SNX29: variants seen among roughly 807,000 people sequenced by gnomAD.
SNX29 encodes the protein sorting nexin-29.
In SNX29, 78 loss-of-function variants were observed where a neutral mutation model predicts 102.1. The ratio of observed to expected loss-of-function variants is 0.76; its 90% CI spans 0.64 to 0.92. The LOEUF (loss-of-function observed/expected upper bound fraction) is 0.92, where lower values mean the gene tolerates loss of function less well. SNX29 is among the 40% of genes least tolerant of loss of function. The probability of loss-of-function intolerance (pLI) is 0.00; values close to 1 mark genes in which losing one functional copy is unlikely to be tolerated. For missense variants in SNX29, 1,280 were observed against 1,061.7 expected (o/e 1.21, Z -2.86); for synonymous variants, 580 against 414.5 (o/e 1.40, Z -4.85).
chr16:12,433,630 CA>C lies in SNX29; in HGVS notation c.2037+30121del, dbSNP rs1235730528. On this transcript the variant is annotated intron_variant, in intron 18 of 20. Transcript: ENST00000566228. Reference sequence around the variant, plus strand: ...TGGGCAACAGAGCAAGACTGCGTCTCAAAAAAAAAAAAAAAAAAAAGGAAAC... The same window carrying C: ...TGGGCAACAGAGCAAGACTGCGTCTCAAAAAAAAAAAAAAAAAAAGGAAAC... Among the ~76,000 whole-genome samples the C allele has an allele frequency of 9.6e-3, 530 of 55,354 alleles. 1 individual carries two copies. Among genetic ancestry groups the C allele is most frequent in the African/African-American group, 0.015 (198 of 13,514 alleles). 36.3% of individuals were successfully genotyped at this position (55,354 alleles called of 152,430 possible). A position where few individuals can be genotyped will look rare whatever the true frequency, so the allele number is the denominator to read the frequency against.
At chr16:12,564,900 C>T (rs961752416) in intron 20 of SNX29, among the ~76,000 whole-genome samples, 1 of 144,710 alleles carries the variant, frequency 6.9e-6, no homozygotes, top group East Asian at 2.0e-4. Flanking sequence ...GGGGAGGAGG[C>T]ATCTGCAGCA....
chr16:12,144,178 G>T (rs186878426), intron 13 of SNX29, among the ~76,000 whole-genome samples: 4 of 152,252 alleles, frequency 2.6e-5, no homozygotes, highest in Admixed American at 2.6e-4. Flanking sequence ...TGATCTGAAC[G>T]GATAAGCTCA....
rs546986338 is a variant in SNX29, at chr16:12,565,583, C to A, written c.2319-2923C>A. ...CAGAAGCCTACTGTCACACCCTCAACCACAGCAGCCTACACTCACTGGGAC... is the reference window on the plus strand; with the variant it reads ...CAGAAGCCTACTGTCACACCCTCAAACACAGCAGCCTACACTCACTGGGAC... On this transcript the variant is annotated intron_variant, in intron 20 of 20. Transcript: ENST00000566228. Among the ~76,000 whole-genome samples the A allele has an allele frequency of 1.1e-4, 17 of 152,252 alleles. No homozygotes were observed. The East Asian group carries it at 3.1e-3, about 28-fold the overall frequency.
intron 3 of SNX29, among the ~76,000 whole-genome samples, chr16:12,003,609 C>T (rs2056363551): frequency 1.3e-5 from 2 of 152,200 alleles, no homozygotes; most frequent in South Asian, 2.1e-4. Flanking sequence ...CACACCGAAA[C>T]GTGGCCTGAG....
At chr16:12,127,989 C>T (rs936098071) in intron 12 of SNX29, among the ~76,000 whole-genome samples, 1 of 152,120 alleles carries the variant, frequency 6.6e-6, no homozygotes, top group Non-Finnish European at 1.5e-5. Flanking sequence ...CTTACTCACA[C>T]GCTCTTTTAC....
rs1196227249 is a variant in SNX29 at position 12,162,086 on chromosome 16, A to G, written c.1595+32328A>G. Among the ~76,000 whole-genome samples, 4 of 152,208 alleles carry G rather than the reference A, an allele frequency of 2.6e-5. 1 individual carries two copies. Among genetic ancestry groups the G allele is most frequent in the African/African-American group, 7.2e-5 (3 of 41,520 alleles). ...CACCATCAACCCCTTTGATGGTGCC[A>G]TGTACTTACTTCCTGCCGGGCTTTG... On this transcript the variant is annotated intron_variant, in intron 13 of 20. Transcript: ENST00000566228.
chr16:12,180,022 C>T (rs1260487800), intron 13 of SNX29, among the ~76,000 whole-genome samples: 1 of 152,116 alleles, frequency 6.6e-6, no homozygotes, highest in Non-Finnish European at 1.5e-5. Flanking sequence ...CTTCGGGTCT[C>T]TTTATTCCAA....
At chr16:12,160,490 T>C (rs927803240) in intron 13 of SNX29, among the ~76,000 whole-genome samples, 1 of 152,178 alleles carries the variant, frequency 6.6e-6, no homozygotes, top group African/African-American at 2.4e-5. Context: ...TCCATTCCTG[T>C]GAAACATCTA....
chr16:12,091,940 G>A (rs1295794182), intron 11 of SNX29, among the ~76,000 whole-genome samples: 2 of 152,178 alleles, frequency 1.3e-5, no homozygotes, highest in Non-Finnish European at 2.9e-5. Context: ...AGAACTGTGA[G>A]AAAATCAGTC....
At chr16:12,149,913 G>T (rs1016912823) in intron 13 of SNX29, among the ~76,000 whole-genome samples, 2 of 152,170 alleles carry the variant, frequency 1.3e-5, no homozygotes, top group African/African-American at 4.8e-5. Context: ...AGAACAGTTT[G>T]TGCCAAGGGG....
intron 20 of SNX29, chr16:12,560,686 A>G (rs777865609): frequency 3.8e-5 from 6 of 158,868 alleles, no homozygotes; most frequent in Non-Finnish European, 7.0e-5. Flanking sequence ...ATGCATTTAT[A>G]TCTAGTCATC....
At chr16:12,285,664 G>A (rs1364135647) in intron 15 of SNX29, among the ~76,000 whole-genome samples, 4 of 152,296 alleles carry the variant, frequency 2.6e-5, no homozygotes, top group South Asian at 2.1e-4. Context: ...ACCAGTGCCT[G>A]CCTCATAAAT....
intron 19 of SNX29, among the ~76,000 whole-genome samples, chr16:12,493,241 G>T (rs987651474): frequency 6.6e-6 from 1 of 152,100 alleles, no homozygotes; most frequent in Non-Finnish European, 1.5e-5. Context: ...TCCTTGAAGA[G>T]GTCCTTCACA....
chr16:12,095,062 G>C (rs938554367), intron 11 of SNX29: 1 of 152,202 alleles, frequency 6.6e-6, no homozygotes, highest in East Asian at 1.9e-4. Context: ...GATGCATAAT[G>C]ATACAGACCT....
At chr16:12,437,374 C>G (rs192884290) in intron 18 of SNX29, among the ~76,000 whole-genome samples, 23 of 152,362 alleles carry the variant, frequency 1.5e-4, no homozygotes, top group Admixed American at 6.5e-4. Flanking sequence ...ACCGCATTCC[C>G]TGTCTCATAG....
intron 4 of SNX29, among the ~76,000 whole-genome samples, chr16:12,028,130 C>T (rs912296593): frequency 1.3e-5 from 2 of 152,192 alleles, no homozygotes; most frequent in East Asian, 1.9e-4. Context: ...GCCCTGACCA[C>T]GGCTGCTGCT....
chr16:12,032,863 G>T (rs1399717712), intron 4 of SNX29, among the ~76,000 whole-genome samples: 1 of 151,212 alleles, frequency 6.6e-6, no homozygotes, highest in African/African-American at 2.4e-5. Flanking sequence ...GCCAGTGTTG[G>T]GTTTTTATTT....
chr16:12,412,213 A>G (rs889809), intron 18 of SNX29, among the ~76,000 whole-genome samples: 85,350 of 151,982 alleles, frequency 0.56, 24,493 homozygotes, highest in Non-Finnish European at 0.63. Flanking sequence ...ACAGCAACCT[A>G]TGGGGTAGGC....
At chr16:12,025,605 C>T (rs2057168889) in intron 3 of SNX29, among the ~76,000 whole-genome samples, 1 of 152,168 alleles carries the variant, frequency 6.6e-6, no homozygotes. Flanking sequence ...AATAGGCTCC[C>T]TTCTGTGCAG....
Sources: allele counts gnomAD v4.1 joint callset (sites outside exome capture counted in the v4.1 genomes callset), GRCh38; gene constraint gnomAD v4.1.1; transcripts MANE v1.5; gene names NCBI Gene and HGNC (gene_info 2026-07-23, HGNC 2026-07-21).